Variants in OPCML observed in about 807,000 individuals in gnomAD.
The protein encoded by OPCML is opioid binding protein/cell adhesion molecule like.
OPCML carries 13 observed loss-of-function variants against 37.8 expected under a neutral mutation model. The ratio of observed to expected loss-of-function variants is 0.34; its 90% CI spans 0.22 to 0.55. The LOEUF (loss-of-function observed/expected upper bound fraction) is 0.55, where lower values mean the gene tolerates loss of function less well. Ranked by LOEUF, OPCML falls within the 20% of genes least tolerant of loss-of-function variation. The probability of loss-of-function intolerance (pLI) is 0.91; values close to 1 mark genes in which losing one functional copy is unlikely to be tolerated. For missense variants in OPCML, 341 were observed against 435.6 expected, an observed-to-expected ratio of 0.78 and a Z score of 1.93; for synonymous variants, 176 against 168.8, an observed-to-expected ratio of 1.04 and a Z score of -0.33.
intron 1 of OPCML, among the ~76,000 whole-genome samples, chr11:133,516,846 C>T (rs996354614): frequency 7.2e-5 from 11 of 152,174 alleles, no homozygotes; most frequent in Non-Finnish European, 1.5e-4. Flanking sequence ...TTTATATAAA[C>T]AACAGAATAT....
chr11:133,382,240 C>T (rs1944945245), intron 1 of OPCML, among the ~76,000 whole-genome samples: 1 of 152,148 alleles, frequency 6.6e-6, no homozygotes, highest in African/African-American at 2.4e-5. Context: ...AATTAATGGC[C>T]AGCTGTGTGG....
chr11:132,916,761 A>G (rs888926360), intron 2 of OPCML, among the ~76,000 whole-genome samples: 8 of 152,162 alleles, frequency 5.3e-5, no homozygotes, highest in Non-Finnish European at 1.5e-5. Context: ...TCGAGTGAGC[A>G]AAGTAGAAAG....
chr11:132,518,798 C>A (rs2096285881), intron 4 of OPCML, among the ~76,000 whole-genome samples: 1 of 152,154 alleles, frequency 6.6e-6, no homozygotes, highest in Non-Finnish European at 1.5e-5. Flanking sequence ...CCGGCAGGAA[C>A]AACGTCTATC....
intron 1 of OPCML, among the ~76,000 whole-genome samples, chr11:133,262,790 C>T (rs143707454): frequency 6.6e-5 from 10 of 151,992 alleles, no homozygotes; most frequent in Middle Eastern, 3.4e-3. Flanking sequence ...GGGCAGCTGA[C>T]GGTGGAGTCC....
intron 1 of OPCML, among the ~76,000 whole-genome samples, chr11:133,070,324 G>A (rs1412634043): frequency 4.6e-5 from 7 of 152,150 alleles, no homozygotes; most frequent in African/African-American, 1.7e-4. Flanking sequence ...AATTTTCTGT[G>A]CTTCACTGCT....
At chr11:133,135,564 C>T (rs1005938986) in intron 1 of OPCML, among the ~76,000 whole-genome samples, 9 of 151,456 alleles carry the variant, frequency 5.9e-5, no homozygotes, top group South Asian at 2.1e-4. Flanking sequence ...TCTGTGTGGG[C>T]GACCAACAAT....
At chr11:132,883,861 C>T (rs1943311531) in intron 2 of OPCML, among the ~76,000 whole-genome samples, 1 of 152,172 alleles carries the variant, frequency 6.6e-6, no homozygotes, top group African/African-American at 2.4e-5. Context: ...AGAGGCAAAA[C>T]TGAGTCCTGG....
intron 3 of OPCML, among the ~76,000 whole-genome samples, chr11:132,533,556 C>T (rs961100606): frequency 3.9e-5 from 6 of 152,114 alleles, no homozygotes; most frequent in African/African-American, 1.4e-4. Context: ...AACATCTGCC[C>T]CTTGCTAAAG....
intron 1 of OPCML, among the ~76,000 whole-genome samples, chr11:133,294,334 G>A (rs1942568042): frequency 2.0e-5 from 3 of 152,124 alleles, no homozygotes; most frequent in Non-Finnish European, 2.9e-5. Context: ...AAGTCGCAAG[G>A]CTATACCAGG....
intron 2 of OPCML, among the ~76,000 whole-genome samples, chr11:132,935,625 T>C (rs555655190): frequency 3.8e-4 from 58 of 152,330 alleles, no homozygotes; most frequent in African/African-American, 1.3e-3. Flanking sequence ...AGCATCTCTT[T>C]GATTTAAGTA....
At chr11:132,827,496 T>G (rs555174701) in intron 2 of OPCML, among the ~76,000 whole-genome samples, 87 of 152,324 alleles carry the variant, frequency 5.7e-4, no homozygotes, top group Non-Finnish European at 5.9e-5. Flanking sequence ...GGGAAACAAT[T>G]TGACAGTCTT....
chr11:133,167,497 C>T (rs1365219282), intron 1 of OPCML, among the ~76,000 whole-genome samples: 2 of 151,076 alleles, frequency 1.3e-5, no homozygotes, highest in African/African-American at 4.9e-5. Context: ...AGCAATGTCT[C>T]TGGGAGTTTC....
At chr11:132,707,109 G>C (rs1313838809) in intron 2 of OPCML, among the ~76,000 whole-genome samples, 1 of 152,164 alleles carries the variant, frequency 6.6e-6, no homozygotes, top group Non-Finnish European at 1.5e-5. Context: ...AAAATAGTCA[G>C]ATACTGTTTC....
intron 4 of OPCML, among the ~76,000 whole-genome samples, chr11:132,501,600 G>T (rs1372948136): frequency 6.6e-6 from 1 of 152,176 alleles, no homozygotes; most frequent in Non-Finnish European, 1.5e-5. Flanking sequence ...AGGCATGGTT[G>T]TCATGATAAC....
At chr11:132,483,990 T>G (rs1380945470) in intron 4 of OPCML, among the ~76,000 whole-genome samples, 3 of 152,112 alleles carry the variant, frequency 2.0e-5, no homozygotes, top group Non-Finnish European at 4.4e-5. Context: ...GCTTTACCGT[T>G]CAGGACATAG....
chr11:132,583,553 G>A (rs754791372), intron 3 of OPCML, among the ~76,000 whole-genome samples: 14 of 151,986 alleles, frequency 9.2e-5, no homozygotes, highest in Admixed American at 1.3e-4. Flanking sequence ...TCTCACCTTC[G>A]CTTCTCAAAG....
At chr11:132,556,985 A>T (rs551752664) in intron 3 of OPCML, among the ~76,000 whole-genome samples, 1 of 152,318 alleles carries the variant, frequency 6.6e-6, no homozygotes, top group East Asian at 1.9e-4. Flanking sequence ...GTGTGTACTT[A>T]GGCCCGTGTT....
chr11:132,804,813 G>A lies in OPCML; in HGVS notation c.146+138113C>T, dbSNP rs116633386. Among the ~76,000 whole-genome samples the A allele has an allele frequency of 4.0e-3, 608 of 152,206 alleles. 8 individuals carry two copies. The highest frequency in any genetic ancestry group is 0.013 in the African/African-American group (559 of 41,546). ...AAGGATCAATAGTCTTTAGAGTAAGGTAACAGAATCTAGAGACTGTATACT... is the reference window on the plus strand; with the variant it reads ...AAGGATCAATAGTCTTTAGAGTAAGATAACAGAATCTAGAGACTGTATACT... On this transcript the variant is annotated intron_variant, in intron 2 of 7. Coordinates refer to ENST00000524381, the MANE Select transcript of OPCML (RefSeq NM_001012393.5).
intron 1 of OPCML, among the ~76,000 whole-genome samples, chr11:133,077,546 T>A (rs186841541): frequency 3.3e-4 from 51 of 152,322 alleles, no homozygotes; most frequent in Non-Finnish European, 2.9e-5. Context: ...AGAATTTTTT[T>A]AATTACTATA....
Sources: allele counts gnomAD v4.1 joint callset (sites outside exome capture counted in the v4.1 genomes callset), GRCh38; gene constraint gnomAD v4.1.1; transcripts MANE v1.5; gene names NCBI Gene and HGNC (gene_info 2026-07-23, HGNC 2026-07-21).